Variants in PHLPP1 observed in about 807,000 individuals in gnomAD.
The protein encoded by PHLPP1 is PH domain and leucine rich repeat protein phosphatase 1.
A neutral mutation model predicts 117.2 loss-of-function variants in PHLPP1; 42 were observed. The observed-to-expected ratio is 0.36, with a 90% CI of 0.28 to 0.46. The LOEUF (loss-of-function observed/expected upper bound fraction) is 0.46. Among genes scored for constraint, PHLPP1 ranks in the 20% least tolerant of loss-of-function variants. The pLI is 1.00. For missense variants in PHLPP1, 2,084 were observed against 2,241.9 expected, an observed-to-expected ratio of 0.93 and a Z score of 1.42; for synonymous variants, 1,042 against 970.7, an observed-to-expected ratio of 1.07 and a Z score of -1.37.
chr18:62,898,388 T>C (rs1330761566), intron 6 of PHLPP1, among the ~76,000 whole-genome samples: 4 of 152,242 alleles, frequency 2.6e-5, no homozygotes, highest in Non-Finnish European at 5.9e-5. Flanking sequence ...TCAGCTCTTC[T>C]TTTACATGAG....
chr18:62,739,802 T>C (rs77864006), intron 1 of PHLPP1, among the ~76,000 whole-genome samples: 130 of 152,316 alleles, frequency 8.5e-4, no homozygotes, highest in African/African-American at 2.7e-3. Flanking sequence ...TGGGTCTCAA[T>C]TGGCCTCAGT....
At chr18:62,821,156 G>A (rs1482316798) in intron 1 of PHLPP1, among the ~76,000 whole-genome samples, 1 of 152,218 alleles carries the variant, frequency 6.6e-6, no homozygotes, top group Non-Finnish European at 1.5e-5. Flanking sequence ...GATGGACCTA[G>A]TGCGTTGGCT....
intron 6 of PHLPP1, 140 bp from the exon 7 acceptor site, chr18:62,902,824 G>A (rs12963680): frequency 0.1 from 61,989 of 611,280 alleles, 4,091 homozygotes; most frequent in African/African-American, 0.25. Context: ...AAGAAAGGCC[G>A]GATGCTGAGA....
intron 12 of PHLPP1, among the ~76,000 whole-genome samples, chr18:62,948,636 C>T (rs1333393988): frequency 6.6e-6 from 1 of 151,530 alleles, no homozygotes; most frequent in African/African-American, 2.4e-5. Context: ...AGGCTGAGCT[C>T]CTCCATTACC....
chr18:62,978,722 C>G lies in PHLPP1; in HGVS notation c.4445C>G (p.Ser1482Cys), dbSNP rs1911280760. The G allele has an allele frequency of 1.9e-6, 3 of 1,613,636 alleles. No homozygotes were observed. Among genetic ancestry groups the G allele is most frequent in the Non-Finnish European group, 2.5e-6 (3 of 1,179,810 alleles). ...GCTTCCGAGATTAGCAGTGAGCTCT[C>G]CACTTCTGAGATGAGCAGCGAGGTG... ...GMASEISSEL[S>C]TSEMSSEVGS... is the part of the protein sequence containing the mutation. Residue 1482 changes from serine (S) to cysteine (C), a missense_variant, in exon 17 of 17, where the codon TCC becomes TGC. This residue lies in a region of PHLPP1 where 1,365 missense variants were observed against 1,605.9 expected (regional missense o/e 0.85). Coordinates refer to ENST00000262719, the MANE Select transcript of PHLPP1 (RefSeq NM_194449.4). This position sits in a 1 kb window ranked among gnomAD's most constrained non-coding sequence, Gnocchi z 7.0.
At chr18:62,738,562 G>A (rs1375137689) in intron 1 of PHLPP1, among the ~76,000 whole-genome samples, 1 of 152,120 alleles carries the variant, frequency 6.6e-6, no homozygotes, top group African/African-American at 2.4e-5. Context: ...ATTGATTTTG[G>A]TATCTTTTGG....
chr18:62,895,693 AC>A, intron 5 of PHLPP1, 87 bp from the exon 6 acceptor site: 1 of 840,110 alleles, frequency 1.2e-6, no homozygotes, highest in East Asian at 2.4e-5. Flanking sequence ...TTCTGGTAAT[AC>A]GGTCTACACT....
chr18:62,764,081 T>C (rs1912363901), intron 1 of PHLPP1, among the ~76,000 whole-genome samples: 2 of 149,288 alleles, frequency 1.3e-5, no homozygotes, highest in African/African-American at 5.0e-5. Flanking sequence ...AAGAATCGCT[T>C]GAACCCGGCA....
intron 1 of PHLPP1, among the ~76,000 whole-genome samples, chr18:62,758,353 A>G (rs1409386070): frequency 6.6e-6 from 1 of 152,214 alleles, no homozygotes; most frequent in East Asian, 1.9e-4. Flanking sequence ...GAAAAGCACT[A>G]AGTAACTTGG....
chr18:62,731,829 G>T (rs180739041), intron 1 of PHLPP1, among the ~76,000 whole-genome samples: 1 of 152,296 alleles, frequency 6.6e-6, no homozygotes, highest in East Asian at 1.9e-4. Context: ...CGTTTTAGTG[G>T]TCTACATAGA....
At chr18:62,863,693 A>G (rs1416993166) in intron 4 of PHLPP1, among the ~76,000 whole-genome samples, 3 of 152,182 alleles carry the variant, frequency 2.0e-5, no homozygotes, top group African/African-American at 7.2e-5. Context: ...TTAGCATGCT[A>G]ATGCATTATA....
At chr18:62,782,383 T>C (rs1031025811) in intron 1 of PHLPP1, among the ~76,000 whole-genome samples, 12 of 152,146 alleles carry the variant, frequency 7.9e-5, no homozygotes, top group Non-Finnish European at 1.6e-4. Context: ...TTTAACTCAA[T>C]TGGATTTTTT....
chr18:62,933,401 TG>T (rs368992527), intron 10 of PHLPP1, among the ~76,000 whole-genome samples: 9 of 152,260 alleles, frequency 5.9e-5, no homozygotes, highest in African/African-American at 1.7e-4. Context: ...AGCATCGAAC[TG>T]TTACAAAAAC....
intron 12 of PHLPP1, among the ~76,000 whole-genome samples, chr18:62,948,802 A>C (rs1214819119): frequency 6.6e-6 from 1 of 151,994 alleles, no homozygotes; most frequent in Non-Finnish European, 1.5e-5. Context: ...TAGTAGTTAT[A>C]TTGTTTCAGA....
intron 11 of PHLPP1, 93 bp from the exon 12 acceptor site, chr18:62,945,016 A>C: frequency 1.0e-6 from 1 of 971,584 alleles, no homozygotes; most frequent in Non-Finnish European, 1.4e-6. Context: ...GACTGTTACA[A>C]ATGAATCCTT....
At chr18:62,801,085 A>G (rs547613458) in intron 1 of PHLPP1, among the ~76,000 whole-genome samples, 279 of 119,770 alleles carry the variant, frequency 2.3e-3, no homozygotes, top group African/African-American at 7.1e-3. Flanking sequence ...TTCTTGCCCT[A>G]TCTCCCAGGC....
At chr18:62,862,505 A>C (rs1915658112) in intron 4 of PHLPP1, among the ~76,000 whole-genome samples, 1 of 152,254 alleles carries the variant, frequency 6.6e-6, no homozygotes, top group South Asian at 2.1e-4. Flanking sequence ...TATTGGCAGC[A>C]CATGCCATCA....
intron 1 of PHLPP1, among the ~76,000 whole-genome samples, chr18:62,829,754 A>C (rs542846801): frequency 3.9e-5 from 6 of 152,298 alleles, no homozygotes; most frequent in Admixed American, 1.3e-4. Flanking sequence ...TCCATCTCAA[A>C]AAAAAAGAAA....
intron 7 of PHLPP1, 127 bp from the exon 8 acceptor site, chr18:62,905,097 G>T: frequency 4.4e-6 from 2 of 457,698 alleles, no homozygotes; most frequent in Non-Finnish European, 3.7e-6. Context: ...AACAAATGAT[G>T]TATTGTACTT....
Sources: allele counts gnomAD v4.1 joint callset (sites outside exome capture counted in the v4.1 genomes callset), GRCh38; gene constraint gnomAD v4.1.1; regional missense constraint gnomAD v4.1.1; non-coding constraint Gnocchi (gnomAD v3.1); transcripts MANE v1.5; gene names NCBI Gene and HGNC (gene_info 2026-07-23, HGNC 2026-07-21).